Variants in CTBP2 observed in about 807,000 individuals in gnomAD.
CTBP2 encodes C-terminal binding protein 2.
CTBP2 carries 30 observed loss-of-function variants against 80.3 expected under a neutral mutation model. The observed-to-expected ratio is 0.37, with a 90% CI of 0.28 to 0.51. The LOEUF is 0.51. Ranked by LOEUF, CTBP2 falls within the 20% of genes least tolerant of loss-of-function variation. The pLI is 0.93. For synonymous variants in CTBP2, 594 were observed against 587.4 expected (o/e 1.01, Z -0.16); for missense variants, 1,212 against 1,375.3 (o/e 0.88, Z 1.88).
In CTBP2 at chr10:125,033,604, C is replaced by T. The variant is rs1463588253; in HGVS notation, c.58+5393G>A. ...GCGCAGAAGGTTCTCCGCATTCGTG[C>T]GGGCTGCTGTCTGCTGCTGTCTGGC... On this transcript the variant is annotated intron_variant, in intron 3 of 10. Transcript: ENST00000337195. Among the ~76,000 whole-genome samples, 6 of 152,314 alleles carry T rather than the reference C, an allele frequency of 3.9e-5. No individual in the cohort carries two copies. In the East Asian group the frequency reaches 5.8e-4, roughly 15 times the overall value.
intron 3 of CTBP2, among the ~76,000 whole-genome samples, chr10:125,002,010 G>A (rs946995376): frequency 3.3e-5 from 5 of 152,192 alleles, no homozygotes; most frequent in African/African-American, 9.7e-5. Flanking sequence ...CGGAAGCACC[G>A]GGGCCCACTG....
rs907683445 is a variant in CTBP2, at chr10:125,038,868, T to G, written c.58+129A>C. Reference sequence around the variant, plus strand: ...GACACCCAGCAGAGGGTGCCAATGGTATGCAGTGTTGGAATCGGAGGAGGG... The same window carrying G: ...GACACCCAGCAGAGGGTGCCAATGGGATGCAGTGTTGGAATCGGAGGAGGG... On this transcript the variant is annotated intron_variant, in intron 3 of 10. Coordinates refer to the CTBP2 transcript ENST00000337195. 7 of 876,700 alleles carry G rather than the reference T, an allele frequency of 8.0e-6. No homozygotes were observed. The African/African-American group carries it at 1.0e-4, about 13-fold the overall frequency. The allele number at this position is 876,700 out of a possible 1,614,324, so 54.3% of individuals were successfully genotyped here.
rs1255415283 is a variant in CTBP2, at chr10:125,066,760, G to A, written c.-101-27605C>T. 1.3e-5 allele frequency among the ~76,000 whole-genome samples: 2 copies of A among 152,110 alleles called. No homozygotes were observed. The highest frequency in any genetic ancestry group is 2.4e-5 in the African/African-American group (1 of 41,400). Reference sequence around the variant, plus strand: ...GGGGTTTCTTATCCATAAATGGAACGACCTCACCAGAATTTTAAAATGTAA... The same window carrying A: ...GGGGTTTCTTATCCATAAATGGAACAACCTCACCAGAATTTTAAAATGTAA... On this transcript the variant is annotated intron_variant, in intron 2 of 10. Transcript: ENST00000337195. This position sits in a 1 kb window ranked among gnomAD's most constrained non-coding sequence, Gnocchi z 4.1.
intron 2 of CTBP2, among the ~76,000 whole-genome samples, chr10:125,105,107 C>G (rs1851255236): frequency 6.6e-6 from 1 of 152,224 alleles, no homozygotes; most frequent in Admixed American, 6.5e-5. Flanking sequence ...CTCACACAAT[C>G]TGGCCACCCA....
At chr10:125,008,137 G>A (rs1418191747) in intron 1 of CTBP2, among the ~76,000 whole-genome samples, 3 of 152,292 alleles carry the variant, frequency 2.0e-5, no homozygotes, top group South Asian at 4.1e-4. Flanking sequence ...GCAGAGACAG[G>A]GTTTCGCGAT....
chr10:125,051,842 A>G (rs536485456), intron 2 of CTBP2, among the ~76,000 whole-genome samples: 94 of 152,136 alleles, frequency 6.2e-4, no homozygotes, highest in African/African-American at 2.2e-3. Context: ...ATTAGAGTGG[A>G]CTCTAATCCA....
intron 1 of CTBP2, among the ~76,000 whole-genome samples, chr10:125,117,054 C>T (rs1056263186): frequency 1.5e-4 from 23 of 152,352 alleles, no homozygotes; most frequent in African/African-American, 5.0e-4. Flanking sequence ...TTCACACACC[C>T]CCAGCCACCC....
chr10:125,086,243 T>G (rs958267536), intron 2 of CTBP2, among the ~76,000 whole-genome samples: 42 of 152,160 alleles, frequency 2.8e-4, no homozygotes, highest in African/African-American at 9.6e-4. Context: ...ATGAAAGAGC[T>G]CTTTTGGCCA....
upstream of CTBP2, among the ~76,000 whole-genome samples, chr10:125,030,212 C>G (rs1447483900): frequency 6.6e-6 from 1 of 152,138 alleles, no homozygotes; most frequent in African/African-American, 2.4e-5. Flanking sequence ...CTTAAAAATT[C>G]TCATGTTGAC....
At chr10:125,159,311 A>C in intron 1 of CTBP2, among the ~76,000 whole-genome samples, 3 of 126,674 alleles carry the variant, frequency 2.4e-5, no homozygotes, top group South Asian at 2.7e-4. Flanking sequence ...CGGGCGGGGA[A>C]GGTGGGGGAG....
intron 1 of CTBP2, among the ~76,000 whole-genome samples, chr10:125,127,693 T>C (rs543883994): frequency 1.3e-5 from 2 of 152,282 alleles, no homozygotes; most frequent in South Asian, 4.1e-4. Flanking sequence ...TGGCAGCCCA[T>C]GGTTGGTGGT....
rs564814698 is a variant in CTBP2, at chr10:125,076,032, C to T, written c.-102+34958G>A. On this transcript the variant is annotated intron_variant, in intron 2 of 10. Transcript: ENST00000337195. ...AAGCTACAAATCCCAAATGACCACG[C>T]ACAGAATGGGTGTATAATCTGTGCT... 2.6e-5 allele frequency among the ~76,000 whole-genome samples: 4 copies of T among 152,322 alleles called. No individual in the cohort carries two copies. The East Asian group carries it at 7.7e-4, about 29-fold the overall frequency.
At position 124,992,862 on chromosome 10, in the gene CTBP2, A is replaced by G. The variant is rs377717591; in HGVS notation, c.2660-50T>C. 73 of 1,391,160 alleles carry G rather than the reference A, an allele frequency of 5.2e-5. No homozygotes were observed. In the African/African-American group the frequency reaches 9.3e-4, roughly 18 times the overall value. The allele number at this position is 1,391,160 out of a possible 1,614,324, so 86.2% of individuals were successfully genotyped here. On this transcript the variant is annotated intron_variant, in intron 7 of 8. Transcript: ENST00000309035. ...TCATATTATTTTTACAAATCACAGT[A>G]AGTTCAACATTACACCTGTAGCTGC...
chr10:125,092,754 C>T (rs1213603635), intron 2 of CTBP2, among the ~76,000 whole-genome samples: 1 of 152,188 alleles, frequency 6.6e-6, no homozygotes, highest in Non-Finnish European at 1.5e-5. Context: ...TGTTGGGCCA[C>T]ACTGTTTCTT....
At chr10:125,031,802 G>A (rs984244528), upstream of CTBP2, among the ~76,000 whole-genome samples, 3 of 152,202 alleles carry the variant, frequency 2.0e-5, no homozygotes, top group Non-Finnish European at 4.4e-5. Context: ...GGCCTGGAGC[G>A]CGGAGGCTTG....
intron 2 of CTBP2, among the ~76,000 whole-genome samples, chr10:125,070,695 T>A (rs1845337346): frequency 6.6e-6 from 1 of 152,128 alleles, no homozygotes; most frequent in Admixed American, 6.5e-5. Context: ...AGAGGGAGTC[T>A]CGTTCTGTTG....
intron 2 of CTBP2, among the ~76,000 whole-genome samples, chr10:125,104,552 C>T (rs1171618182): frequency 6.6e-6 from 1 of 152,148 alleles, no homozygotes; most frequent in Admixed American, 6.5e-5. Context: ...TGCAGAAAAA[C>T]GTTCCATTTT....
intron 2 of CTBP2, among the ~76,000 whole-genome samples, chr10:125,079,978 G>A (rs767652004): frequency 6.6e-6 from 1 of 152,044 alleles, no homozygotes; most frequent in Non-Finnish European, 1.5e-5. Flanking sequence ...CTCCATTCCT[G>A]GTAACCATGC....
intron 1 of CTBP2, among the ~76,000 whole-genome samples, chr10:125,024,974 G>A (rs143118026): frequency 6.6e-6 from 1 of 152,298 alleles, no homozygotes; most frequent in East Asian, 1.9e-4. Flanking sequence ...GTCATCTCTA[G>A]GAGGTAATAT....
Sources: gnomAD v4.1 joint callset for allele counts (sites outside exome capture counted in the v4.1 genomes callset) on GRCh38, gnomAD v4.1.1 for gene constraint, Gnocchi (gnomAD v3.1) non-coding constraint, MANE v1.5 for transcripts, NCBI Gene and HGNC (gene_info 2026-07-23, HGNC 2026-07-21) for gene names.